The following RHBDD1 variants were observed in gnomAD, a reference collection of about 807,000 sequenced individuals.
RHBDD1 encodes rhomboid domain containing 1, also known as rhomboid-related protein 4.
A neutral mutation model predicts 36.3 loss-of-function variants in RHBDD1; 38 were observed. The ratio of observed to expected loss-of-function variants is 1.05; its 90% CI spans 0.81 to 1.37. The LOEUF (loss-of-function observed/expected upper bound fraction) is 1.37, where lower values mean the gene tolerates loss of function less well. Ranked by LOEUF, RHBDD1 falls within the 40% of genes most tolerant of loss-of-function variation. The pLI, the probability that RHBDD1 is intolerant of heterozygous loss-of-function variation, is 0.00. For synonymous variants in RHBDD1, 151 were observed against 136.5 expected (o/e 1.11, Z -0.74); for missense variants, 393 against 377.6 (o/e 1.04, Z -0.34).
intron 5 of RHBDD1, among the ~76,000 whole-genome samples, chr2:226,901,928 TC>T (rs912642875): frequency 2.6e-5 from 4 of 152,216 alleles, no homozygotes; most frequent in Admixed American, 6.5e-5. Flanking sequence ...ATTCCACTCT[TC>T]CTCTCATCTG....
chr2:226,979,629 C>A (rs1464249732), intron 8 of RHBDD1, among the ~76,000 whole-genome samples: 1 of 152,216 alleles, frequency 6.6e-6, no homozygotes, highest in Non-Finnish European at 1.5e-5. Flanking sequence ...ACTCAGCAGG[C>A]TGGGTACCCT....
rs1034856411 is a variant in RHBDD1 at position 226,998,555 on chromosome 2, T to C, written c.*3033T>C. ...TCTTCCTTTCCCTTCCCATGAATCA[T>C]TGCAGTCATTCCCTAAGTTTCTTCT... On this transcript the variant is annotated 3_prime_UTR_variant, in exon 9 of 9. Transcript: ENST00000392062. 6.6e-6 allele frequency: 1 copy of C among 152,234 alleles called. No homozygotes were observed. The highest frequency in any genetic ancestry group is 6.5e-5 in the Admixed American group (1 of 15,288). The allele number at this position is 152,234 out of a possible 1,614,324, so 9.4% of individuals were successfully genotyped here.
chr2:226,939,191 T>C (rs1239031961), intron 8 of RHBDD1, among the ~76,000 whole-genome samples: 3 of 152,164 alleles, frequency 2.0e-5, no homozygotes, highest in Non-Finnish European at 4.4e-5. Flanking sequence ...GGGCAAAAGC[T>C]GGAAGCATTC....
At chr2:226,988,303 T>C (rs1957447669) in intron 8 of RHBDD1, 1 of 1,543,346 alleles carries the variant, frequency 6.5e-7, no homozygotes, top group Non-Finnish European at 8.7e-7. Flanking sequence ...GTCCTTCCCT[T>C]CCACTGTGCC....
At chr2:226,877,271 G>A (rs967289732) in intron 5 of RHBDD1, among the ~76,000 whole-genome samples, 3 of 152,080 alleles carry the variant, frequency 2.0e-5, no homozygotes, top group African/African-American at 7.2e-5. Context: ...CTAATATTAT[G>A]CATTGATTAT....
intron 8 of RHBDD1, among the ~76,000 whole-genome samples, chr2:226,921,053 T>C (rs1949272509): frequency 6.6e-6 from 1 of 152,150 alleles, no homozygotes. Context: ...ATTGGTTTGT[T>C]TAGGTTTTGG....
chr2:226,856,701 G>A lies in RHBDD1; in HGVS notation c.-90-7903G>A, dbSNP rs137865371. On this transcript the variant is annotated intron_variant, in intron 3 of 8. Coordinates refer to ENST00000392062, the MANE Select transcript of RHBDD1 (RefSeq NM_001167608.3). The stretch of plus-strand genomic sequence containing the variant: ...TAAGAGAGAAAAAAATGCATGTAGC[G>A]TTTGTGTATATTTTGACCACGTTAA... Among the ~76,000 whole-genome samples the A allele has an allele frequency of 1.5e-4, 23 of 152,238 alleles. No homozygotes were observed. The East Asian group carries it at 2.1e-3, about 14-fold the overall frequency.
chr2:226,931,755 A>G (rs1252365507), intron 8 of RHBDD1, among the ~76,000 whole-genome samples: 1 of 152,094 alleles, frequency 6.6e-6, no homozygotes, highest in Non-Finnish European at 1.5e-5. Context: ...TTGCTGTATA[A>G]TCAATCCTGG....
chr2:226,815,723 A>T, the RHBDD1 span, among the ~76,000 whole-genome samples: 1 of 152,136 alleles, frequency 6.6e-6, no homozygotes, highest in South Asian at 2.1e-4. Context: ...GAAAAAAAAA[A>T]TGTTATTTGA....
intron 5 of RHBDD1, among the ~76,000 whole-genome samples, chr2:226,900,356 T>C (rs1194674676): frequency 6.6e-6 from 1 of 152,202 alleles, no homozygotes; most frequent in Admixed American, 6.5e-5. Flanking sequence ...GGAAAAATTA[T>C]TTTTCTTCTC....
intron 8 of RHBDD1, among the ~76,000 whole-genome samples, chr2:226,950,513 A>C (rs1951343814): frequency 6.6e-6 from 1 of 152,198 alleles, no homozygotes; most frequent in African/African-American, 2.4e-5. Flanking sequence ...GGGAGTGCAG[A>C]TATCTCTTCA....
intron 5 of RHBDD1, among the ~76,000 whole-genome samples, chr2:226,897,308 G>GTGTCTGTCTGTCTGTC (rs56199167): frequency 1.4e-5 from 2 of 141,922 alleles, no homozygotes; most frequent in African/African-American, 4.9e-5. Flanking sequence ...TGAGGTGTGT[G>GTGTCTGTCTGTCTGTC]TGTCTGTCTG....
At chr2:226,818,127 T>C in the RHBDD1 span, among the ~76,000 whole-genome samples, 1 of 151,754 alleles carries the variant, frequency 6.6e-6, no homozygotes, top group Admixed American at 6.6e-5. Flanking sequence ...GGTCCATCTA[T>C]AGTCTTTTAA....
At chr2:226,885,284 T>C (rs1371528772) in intron 5 of RHBDD1, among the ~76,000 whole-genome samples, 2 of 152,160 alleles carry the variant, frequency 1.3e-5, no homozygotes, top group Non-Finnish European at 2.9e-5. Flanking sequence ...GTATCAAGAT[T>C]TGTAAAAAGG....
At chr2:226,807,213 C>A in the RHBDD1 span, among the ~76,000 whole-genome samples, 1 of 152,004 alleles carries the variant, frequency 6.6e-6, no homozygotes, top group Non-Finnish European at 1.5e-5. Context: ...ATGTTGTTTG[C>A]TATATAAAGT....
intron 5 of RHBDD1, among the ~76,000 whole-genome samples, chr2:226,874,219 A>G (rs1318214678): frequency 2.0e-5 from 3 of 152,202 alleles, no homozygotes; most frequent in East Asian, 3.9e-4. Flanking sequence ...GAGCCAAATC[A>G]TATCAGGAAG....
At chr2:226,951,027 T>TA (rs1241424453) in intron 8 of RHBDD1, among the ~76,000 whole-genome samples, 1 of 152,154 alleles carries the variant, frequency 6.6e-6, no homozygotes, top group African/African-American at 2.4e-5. Flanking sequence ...GGGTCATATC[T>TA]AAAAAATTAT....
chr2:226,861,742 G>A (rs985670282), intron 3 of RHBDD1, among the ~76,000 whole-genome samples: 4 of 152,208 alleles, frequency 2.6e-5, no homozygotes, highest in Non-Finnish European at 5.9e-5. Context: ...GTGGGCACAC[G>A]TGTGCACACA....
intron 8 of RHBDD1, among the ~76,000 whole-genome samples, chr2:226,948,093 T>C (rs1363495251): frequency 6.6e-6 from 1 of 151,828 alleles, no homozygotes; most frequent in African/African-American, 2.4e-5. Flanking sequence ...CTATAAATCA[T>C]GCTGCTATAA....
Sources: allele counts gnomAD v4.1 joint callset (sites outside exome capture counted in the v4.1 genomes callset), GRCh38; gene constraint gnomAD v4.1.1; transcripts MANE v1.5; gene names NCBI Gene and HGNC (gene_info 2026-07-23, HGNC 2026-07-21).